DYNC1I1: variants seen among roughly 807,000 people sequenced by gnomAD.
DYNC1I1 encodes the protein dynein cytoplasmic 1 intermediate chain 1, also known as cytoplasmic dynein 1 intermediate chain 1.
Under a neutral mutation model 86.6 loss-of-function variants are expected in DYNC1I1, and 43 were observed. The observed-to-expected ratio is 0.50, with a 90% CI of 0.39 to 0.64. The LOEUF is 0.64. DYNC1I1 is among the 30% of genes least tolerant of loss of function. DYNC1I1 has a pLI of 0.00. For synonymous variants in DYNC1I1, 262 were observed against 283.7 expected, an observed-to-expected ratio of 0.92 and a Z score of 0.77; for missense variants, 604 against 788.8, an observed-to-expected ratio of 0.77 and a Z score of 2.81.
chr7:95,785,023 C>T (rs1245893149), intron 1 of DYNC1I1, among the ~76,000 whole-genome samples: 1 of 152,252 alleles, frequency 6.6e-6, no homozygotes, highest in South Asian at 2.1e-4. Flanking sequence ...TAAATTGTAA[C>T]ATTCATTCAT....
intron 1 of DYNC1I1, among the ~76,000 whole-genome samples, chr7:95,774,561 C>A (rs1239430771): frequency 6.6e-6 from 1 of 152,172 alleles, no homozygotes; most frequent in Non-Finnish European, 1.5e-5. Flanking sequence ...AGTAGTGGTC[C>A]ATGGTCTTCA....
chr7:96,074,237 G>A (rs1445556441), intron 14 of DYNC1I1, among the ~76,000 whole-genome samples: 1 of 152,098 alleles, frequency 6.6e-6, no homozygotes, highest in African/African-American at 2.4e-5. Flanking sequence ...AAAATATTCT[G>A]TGTTGCTTTA....
rs576528737 is a variant in DYNC1I1 at position 96,002,909 on chromosome 7, T to A, written c.969+6836T>A. On this transcript the variant is annotated intron_variant, in intron 10 of 16. Coordinates refer to ENST00000447467, the MANE Select transcript of DYNC1I1 (RefSeq NM_001135556.2). ...ATGAGGCTGGCGTACAGCAGCACGA[T>A]CTCAGCTCACTGCAACCTCAGACTC... Among the ~76,000 whole-genome samples the A allele has an allele frequency of 4.6e-5, 7 of 152,150 alleles. No homozygotes were observed. In the South Asian group the frequency reaches 1.5e-3, roughly 32 times the overall value.
chr7:95,961,408 C>T (rs760279386), intron 6 of DYNC1I1, among the ~76,000 whole-genome samples: 1 of 152,110 alleles, frequency 6.6e-6, no homozygotes, highest in African/African-American at 2.4e-5. Context: ...TAATAATTTC[C>T]ACTTACCTAG....
intron 10 of DYNC1I1, among the ~76,000 whole-genome samples, chr7:96,005,884 T>C (rs1167122109): frequency 1.3e-5 from 2 of 152,114 alleles, no homozygotes; most frequent in Non-Finnish European, 2.9e-5. Context: ...AGTATTTACT[T>C]CCCCCTGAAA....
At chr7:95,929,257 G>T (rs319313) in intron 6 of DYNC1I1, among the ~76,000 whole-genome samples, 1 of 151,966 alleles carries the variant, frequency 6.6e-6, no homozygotes, top group Middle Eastern at 3.2e-3. Flanking sequence ...GTCCTCAAAG[G>T]CTGGCTGAGT....
At chr7:95,810,325 A>T in intron 2 of DYNC1I1, 67 bp from the exon 3 acceptor site, 1 of 1,321,736 alleles carries the variant, frequency 7.6e-7, no homozygotes, top group Non-Finnish European at 1.0e-6. Context: ...TATCATTTTT[A>T]GTTTCAGCCA....
At chr7:95,800,262 G>C (rs900051603) in intron 1 of DYNC1I1, among the ~76,000 whole-genome samples, 1 of 151,926 alleles carries the variant, frequency 6.6e-6, no homozygotes, top group Admixed American at 6.6e-5. Context: ...TGGAGTCTAG[G>C]GTAAATGTAG....
At chr7:96,048,280 G>T (rs570140168) in intron 14 of DYNC1I1, among the ~76,000 whole-genome samples, 1 of 152,288 alleles carries the variant, frequency 6.6e-6, no homozygotes, top group Admixed American at 6.5e-5. Context: ...AATTGCCATT[G>T]TGGAATCTCT....
intron 5 of DYNC1I1, among the ~76,000 whole-genome samples, chr7:95,832,621 C>T (rs1156821178): frequency 6.6e-6 from 1 of 152,144 alleles, no homozygotes; most frequent in Non-Finnish European, 1.5e-5. Context: ...CACATCCTCT[C>T]CAGCACCTGT....
chr7:95,873,781 T>C (rs752349672), intron 6 of DYNC1I1, among the ~76,000 whole-genome samples: 1 of 152,212 alleles, frequency 6.6e-6, no homozygotes, highest in Non-Finnish European at 1.5e-5. Context: ...AAGCAAGGCT[T>C]AGTGTAGAAC....
intron 6 of DYNC1I1, among the ~76,000 whole-genome samples, chr7:95,968,518 A>G (rs1028246768): frequency 1.3e-5 from 2 of 152,306 alleles, no homozygotes; most frequent in African/African-American, 2.4e-5. Flanking sequence ...CAATTCTAGT[A>G]TGTGAAGACC....
At chr7:95,939,671 TA>T (rs1792147148) in intron 6 of DYNC1I1, among the ~76,000 whole-genome samples, 1 of 151,540 alleles carries the variant, frequency 6.6e-6, no homozygotes, top group Non-Finnish European at 1.5e-5. Flanking sequence ...TCCATCCTTT[TA>T]TTTTGAGCCT....
intron 1 of DYNC1I1, chr7:95,802,541 C>A (rs561078278): frequency 6.6e-6 from 1 of 152,270 alleles, no homozygotes; most frequent in East Asian, 1.9e-4. Flanking sequence ...CTTTTCTTTT[C>A]AAAAATCTGC....
At chr7:95,999,307 G>C (rs566973695) in intron 10 of DYNC1I1, among the ~76,000 whole-genome samples, 95 of 152,298 alleles carry the variant, frequency 6.2e-4, no homozygotes, top group African/African-American at 2.2e-3. Flanking sequence ...GCTATGTTTA[G>C]AGTCTTAGCT....
chr7:96,079,747 G>A (rs946082086), intron 15 of DYNC1I1, among the ~76,000 whole-genome samples: 2 of 152,152 alleles, frequency 1.3e-5, no homozygotes, highest in African/African-American at 4.8e-5. Flanking sequence ...CTGCCAGAGG[G>A]AGGAAGACAG....
chr7:96,092,292 A>G (rs116966698), intron 16 of DYNC1I1, among the ~76,000 whole-genome samples: 3,037 of 152,318 alleles, frequency 0.02, 48 homozygotes, highest in Non-Finnish European at 0.033. Flanking sequence ...AGAAGGAAAA[A>G]CAACATCATG....
chr7:96,065,668 G>A (rs1330434872), intron 14 of DYNC1I1, among the ~76,000 whole-genome samples: 8 of 152,108 alleles, frequency 5.3e-5, no homozygotes, highest in Non-Finnish European at 1.0e-4. Context: ...GATTACAGGC[G>A]TGAGCCACCG....
chr7:95,847,570 A>C (rs1789467444), intron 5 of DYNC1I1, among the ~76,000 whole-genome samples: 1 of 152,120 alleles, frequency 6.6e-6, no homozygotes, highest in Non-Finnish European at 1.5e-5. Context: ...TCAATTTCTT[A>C]CCCAGCAACT....
Sources: allele counts gnomAD v4.1 joint callset (sites outside exome capture counted in the v4.1 genomes callset), GRCh38; gene constraint gnomAD v4.1.1; transcripts MANE v1.5; gene names NCBI Gene and HGNC (gene_info 2026-07-23, HGNC 2026-07-21).